The following CCDC180 variants were observed in gnomAD, a reference collection of about 807,000 sequenced individuals.
CCDC180 encodes the protein coiled-coil domain containing 180.
CCDC180 carries 154 observed loss-of-function variants against 209.2 expected under a neutral mutation model. The observed-to-expected ratio is 0.74, with a 90% CI of 0.65 to 0.84. The LOEUF (loss-of-function observed/expected upper bound fraction) is 0.84. CCDC180 is among the 40% of genes least tolerant of loss of function. CCDC180 has a pLI of 0.00. For synonymous variants in CCDC180, 778 were observed against 749.1 expected, an observed-to-expected ratio of 1.04 and a Z score of -0.63; for missense variants, 1,874 against 1,997.3, an observed-to-expected ratio of 0.94 and a Z score of 1.18.
At chr9:97,340,418 A>G (rs1365848711) in intron 18 of CCDC180, among the ~76,000 whole-genome samples, 1 of 152,240 alleles carries the variant, frequency 6.6e-6, no homozygotes, top group Non-Finnish European at 1.5e-5. Context: ...CGAGGACACG[A>G]GCTGTTCCAG....
At chr9:97,351,845 GT>G (rs1248561430) in intron 22 of CCDC180, among the ~76,000 whole-genome samples, 2 of 152,140 alleles carry the variant, frequency 1.3e-5, no homozygotes, top group Non-Finnish European at 2.9e-5. Flanking sequence ...AGGCACAGTG[GT>G]TCATGCCAGT....
At chr9:97,360,832 C>G (rs1826731811) in intron 26 of CCDC180, among the ~76,000 whole-genome samples, 2 of 152,200 alleles carry the variant, frequency 1.3e-5, no homozygotes, top group South Asian at 4.1e-4. Flanking sequence ...GCATCACCCC[C>G]ACCCCTGCCC....
At chr9:97,374,693 G>A in intron 35 of CCDC180, 45 bp downstream of exon 35, 1 of 1,483,856 alleles carries the variant, frequency 6.7e-7, no homozygotes, top group Non-Finnish European at 9.4e-7. Context: ...GGCTGTATCT[G>A]CTGGGGGTGG....
rs1462506703 is a variant in CCDC180, at chr9:97,378,710, G to T, written c.*1816G>T. The stretch of plus-strand genomic sequence containing the variant: ...GGGCTCCTAGAAAGAAGGCAGAGAT[G>T]ACATCCTCCCACATTAGCTCTTTGT... On this transcript the variant is annotated 3_prime_UTR_variant, in exon 37 of 37. Coordinates refer to ENST00000529487, the MANE Select transcript of CCDC180 (RefSeq NM_020893.6). 2.0e-5 allele frequency among the ~76,000 whole-genome samples: 3 copies of T among 152,172 alleles called. No individual in the cohort carries two copies. Among genetic ancestry groups the T allele is most frequent in the Admixed American group, 2.0e-4 (3 of 15,286 alleles).
Position 97,364,077 on chromosome 9 carries a change from A to G in CCDC180, c.3929A>G (p.Lys1310Arg). The G allele has an allele frequency of 6.2e-7, 1 of 1,614,070 alleles. No individual in the cohort carries two copies. Among genetic ancestry groups the G allele is most frequent in the Non-Finnish European group, 8.5e-7 (1 of 1,179,984 alleles). ...GSFTPHPKPN[K>R]MERKYRVLGD... ...TTCACACCGCACCCCAAGCCCAACA[A>G]AATGGAGAGAAAGTACCGGGTGCTT... The change falls in exon 29 of 37, where the codon AAA becomes AGA. Residue 1310 changes from lysine (K) to arginine (R), a missense_variant. By Grantham distance (26) the Lys-to-Arg change is conservative. Transcript: ENST00000529487.
chr9:97,314,370 A>T, intron 5 of CCDC180, 23 bp from the exon 6 acceptor site: 1 of 1,613,802 alleles, frequency 6.2e-7, no homozygotes, highest in Non-Finnish European at 8.5e-7. Context: ...TGCCTTGGCC[A>T]TCATACCCCT....
intron 2 of CCDC180, 148 bp from the exon 3 acceptor site, chr9:97,309,266 A>T (rs1327316538): frequency 3.1e-6 from 2 of 635,330 alleles, no homozygotes; most frequent in African/African-American, 3.8e-5. Context: ...TCCTATAGGG[A>T]TATGACCTGG....
chr9:97,359,404 G>A (rs1336733024), intron 25 of CCDC180, among the ~76,000 whole-genome samples: 5 of 152,190 alleles, frequency 3.3e-5, no homozygotes, highest in Admixed American at 3.3e-4. Flanking sequence ...GACAGAGGAG[G>A]CTGGCTGGAC....
At chr9:97,358,524 C>T (rs1826655227) in intron 25 of CCDC180, among the ~76,000 whole-genome samples, 2 of 152,134 alleles carry the variant, frequency 1.3e-5, no homozygotes, top group South Asian at 2.1e-4. Flanking sequence ...TCCAAGCGTT[C>T]GCCTGGCTCT....
intron 18 of CCDC180, among the ~76,000 whole-genome samples, chr9:97,340,577 C>T (rs559861150): frequency 2.8e-4 from 42 of 152,268 alleles, no homozygotes; most frequent in Non-Finnish European, 1.5e-5. Context: ...CCTGGAAAAA[C>T]CAGGCCATAC....
At chr9:97,361,945 G>A (rs1826766832) in intron 27 of CCDC180, 47 bp downstream of exon 27, 1 of 1,591,196 alleles carries the variant, frequency 6.3e-7, no homozygotes, top group Non-Finnish European at 8.6e-7. Context: ...CCCTGCCCCT[G>A]GCCCTGGACC....
intron 19 of CCDC180, among the ~76,000 whole-genome samples, chr9:97,344,459 T>C (rs1587815203): frequency 6.6e-6 from 1 of 152,340 alleles, no homozygotes; most frequent in East Asian, 1.9e-4. Context: ...CCATAGCAGA[T>C]AGGACAAAGG....
At chr9:97,346,648 T>C (rs1826268679) in intron 19 of CCDC180, among the ~76,000 whole-genome samples, 1 of 152,236 alleles carries the variant, frequency 6.6e-6, no homozygotes, top group Admixed American at 6.5e-5. Flanking sequence ...AAGGTTTCAC[T>C]GTCGCCCAGG....
At chr9:97,361,086 G>A (rs889285632) in intron 26 of CCDC180, among the ~76,000 whole-genome samples, 4 of 152,272 alleles carry the variant, frequency 2.6e-5, no homozygotes, top group African/African-American at 9.6e-5. Flanking sequence ...AGGAGACTTT[G>A]AGTGAAGGTC....
At chr9:97,359,840 G>T in intron 25 of CCDC180, 142 bp from the exon 26 acceptor site, 2 of 1,079,804 alleles carry the variant, frequency 1.9e-6, no homozygotes, top group Non-Finnish European at 2.7e-6. Context: ...CTCCCCAAGG[G>T]CCTTCCCTGC....
intron 28 of CCDC180, chr9:97,363,616 A>G: frequency 1.9e-6 from 1 of 535,038 alleles, no homozygotes; most frequent in Non-Finnish European, 3.8e-6. Flanking sequence ...GTATGTCCCA[A>G]ATACTGCATG....
chr9:97,330,774 C>A lies in CCDC180; in HGVS notation c.2274+7C>A. The A allele has an allele frequency of 6.3e-7, 1 of 1,589,098 alleles. No individual in the cohort carries two copies. Among genetic ancestry groups the A allele is most frequent in the Non-Finnish European group, 8.5e-7 (1 of 1,174,812 alleles). On this transcript the variant is annotated splice_region_variant and intron_variant, in intron 18 of 36. Transcript: ENST00000529487. Reference sequence around the variant, plus strand: ...GAGTTTATCTGTGGGTGAGGTAAGCCAGCAACTGATTCATTCTTGGGCATA... The same window carrying A: ...GAGTTTATCTGTGGGTGAGGTAAGCAAGCAACTGATTCATTCTTGGGCATA...
At chr9:97,323,657 G>A in intron 12 of CCDC180, 124 bp from the exon 13 acceptor site, 2 of 1,160,208 alleles carry the variant, frequency 1.7e-6, no homozygotes, top group Non-Finnish European at 2.4e-6. Context: ...GAATTCATGG[G>A]GTGCAGGGCC....
rs140178362 is a variant in CCDC180 at position 97,316,657 on chromosome 9, C to T, written c.796-408C>T. ...CTGGCCTCATTTTGCCATTGGGTCT[C>T]GGTTCTCCTAACAACCATATGTGGC... On this transcript the variant is annotated intron_variant, in intron 8 of 36. Transcript: ENST00000529487. Among the ~76,000 whole-genome samples, 11 of 152,332 alleles carry T rather than the reference C, an allele frequency of 7.2e-5. No individual in the cohort carries two copies. The East Asian group carries it at 7.7e-4, about 11-fold the overall frequency.
Sources: allele counts gnomAD v4.1 joint callset (sites outside exome capture counted in the v4.1 genomes callset), GRCh38; gene constraint gnomAD v4.1.1; transcripts MANE v1.5; gene names NCBI Gene and HGNC (gene_info 2026-07-23, HGNC 2026-07-21).